Variants in PPP1R13B observed in about 807,000 individuals in gnomAD.
The protein encoded by PPP1R13B is apoptosis-stimulating of p53 protein 1.
Under a neutral mutation model 119.8 loss-of-function variants are expected in PPP1R13B, and 44 were observed. The observed-to-expected ratio is 0.37, with a 90% CI of 0.29 to 0.47. The LOEUF is 0.47. Among genes scored for constraint, PPP1R13B ranks in the 20% least tolerant of loss-of-function variants. The probability of loss-of-function intolerance (pLI) is 0.99; values close to 1 mark genes in which losing one functional copy is unlikely to be tolerated. For synonymous variants in PPP1R13B, 542 were observed against 561.5 expected, an observed-to-expected ratio of 0.97 and a Z score of 0.49; for missense variants, 1,227 against 1,413.5, an observed-to-expected ratio of 0.87 and a Z score of 2.12.
rs35556963 is a variant in PPP1R13B at position 103,810,926 on chromosome 14, TA to T, written c.10-13409del. 9.0e-3 allele frequency among the ~76,000 whole-genome samples: 1,197 copies of T among 133,140 alleles called. 12 individuals carry two copies. Among genetic ancestry groups the T allele is most frequent in the African/African-American group, 0.023 (820 of 35,832 alleles). The allele number at this position is 133,140 out of a possible 152,430, so 87.3% of individuals were successfully genotyped here. On this transcript the variant is annotated intron_variant, in intron 1 of 16. Coordinates refer to ENST00000202556, the MANE Select transcript of PPP1R13B (RefSeq NM_015316.3). ...CAACATGGTGAAGCCCCGTCTCTAC[TA>T]AAAAAAAAAAAAAAATTAGCCGGGC...
At chr14:103,794,321 G>GT (rs2085702305) in intron 2 of PPP1R13B, among the ~76,000 whole-genome samples, 4 of 109,308 alleles carry the variant, frequency 3.7e-5, no homozygotes, top group Non-Finnish European at 1.7e-5. Context: ...GCAGTAATTT[G>GT]TTTTTTGTTT....
At chr14:103,754,779 CTTCT>C (rs2084635034) in intron 5 of PPP1R13B, among the ~76,000 whole-genome samples, 1 of 150,820 alleles carries the variant, frequency 6.6e-6, no homozygotes, top group South Asian at 2.1e-4. Context: ...TTTTCTTTTT[CTTCT>C]TTTTTTTTTC....
At chr14:103,764,471 A>G (rs1052654171) in intron 4 of PPP1R13B, 1 of 351,260 alleles carries the variant, frequency 2.8e-6, no homozygotes, top group Non-Finnish European at 5.7e-6. Context: ...GTTATCCCAG[A>G]TATGAGTCCT....
chr14:103,763,167 C>T (rs373058514), intron 4 of PPP1R13B: 2 of 605,380 alleles, frequency 3.3e-6, no homozygotes, highest in Non-Finnish European at 6.0e-6. Flanking sequence ...TGAGATGGAC[C>T]CGGATTTCAG....
upstream of PPP1R13B, chr14:103,847,636 C>T: frequency 2.0e-6 from 2 of 984,738 alleles, no homozygotes; most frequent in Middle Eastern, 5.2e-4. Flanking sequence ...GCGCGACGCC[C>T]CGCACGGGTC....
intron 1 of PPP1R13B, among the ~76,000 whole-genome samples, chr14:103,800,053 A>AAAATAAAT: frequency 6.6e-6 from 1 of 151,964 alleles, no homozygotes; most frequent in East Asian, 1.9e-4. Context: ...CTCTATCTCA[A>AAAATAAAT]AAATAAATAA....
chr14:103,828,608 C>G (rs901032086), intron 1 of PPP1R13B, among the ~76,000 whole-genome samples: 2 of 152,030 alleles, frequency 1.3e-5, no homozygotes, highest in African/African-American at 2.4e-5. Context: ...CAGAATGCCA[C>G]GAGATCCCAC....
intron 2 of PPP1R13B, among the ~76,000 whole-genome samples, chr14:103,791,624 C>T (rs2085623682): frequency 6.6e-6 from 1 of 152,136 alleles, no homozygotes; most frequent in African/African-American, 2.4e-5. Context: ...ACTCGGGAGG[C>T]TGAGGTGGAG....
At chr14:103,802,202 G>A (rs565739005) in intron 1 of PPP1R13B, among the ~76,000 whole-genome samples, 4 of 152,050 alleles carry the variant, frequency 2.6e-5, no homozygotes, top group Non-Finnish European at 4.4e-5. Context: ...TAGTAATATC[G>A]GGAGGCTGAG....
intron 12 of PPP1R13B, among the ~76,000 whole-genome samples, 182 bp downstream of exon 12, chr14:103,739,642 T>C (rs568960634): frequency 6.6e-6 from 1 of 152,320 alleles, no homozygotes; most frequent in Non-Finnish European, 1.5e-5. Context: ...CGAGCCCCAT[T>C]TGTCATGCCT....
intron 3 of PPP1R13B, among the ~76,000 whole-genome samples, chr14:103,781,110 A>G (rs562037768): frequency 3.9e-5 from 6 of 152,216 alleles, no homozygotes; most frequent in Non-Finnish European, 7.4e-5. Flanking sequence ...GCCCGTTTCC[A>G]AACTTTATAA....
chr14:103,818,993 A>C (rs1205781814), intron 1 of PPP1R13B, among the ~76,000 whole-genome samples: 1 of 152,206 alleles, frequency 6.6e-6, no homozygotes. Context: ...GATAATTCTA[A>C]GTTGGAAGGG....
chr14:103,822,040 A>G (rs1334434334), intron 1 of PPP1R13B, among the ~76,000 whole-genome samples: 1 of 152,220 alleles, frequency 6.6e-6, no homozygotes, highest in Non-Finnish European at 1.5e-5. Flanking sequence ...CTTCCCATGC[A>G]CATCTGGATA....
chr14:103,761,718 G>A (rs541091983), intron 4 of PPP1R13B, among the ~76,000 whole-genome samples: 5 of 150,394 alleles, frequency 3.3e-5, no homozygotes, highest in East Asian at 3.9e-4. Flanking sequence ...AGCCAAGACC[G>A]TGCCACTGCA....
chr14:103,833,393 T>C (rs11160765), intron 1 of PPP1R13B, among the ~76,000 whole-genome samples: 67,728 of 151,912 alleles, frequency 0.45, 15,595 homozygotes, highest in African/African-American at 0.56. Context: ...CCTGTAATCC[T>C]AGCACTTTGG....
chr14:103,742,698 T>C lies in PPP1R13B; in HGVS notation c.1276A>G (p.Ser426Gly), dbSNP rs2084289536. ...AGTGCTGAGAAGGGCACAGGCTGGCTGGAGACAGTGCCCTGCTTGACAGAC... is the reference window on the plus strand; with the variant it reads ...AGTGCTGAGAAGGGCACAGGCTGGCCGGAGACAGTGCCCTGCTTGACAGAC... ...EGSVKQGTVSSQPVPFSALGP... is the reference protein window; with the variant it reads ...EGSVKQGTVSGQPVPFSALGP... Residue 426 changes from serine (S) to glycine (G), a missense_variant, in exon 10 of 17, where the codon AGC becomes GGC. Transcript: ENST00000202556. The surrounding 1 kb of genome is among the most constrained non-coding windows in gnomAD (Gnocchi z 4.9). 6.2e-7 allele frequency: 1 copy of C among 1,614,000 alleles called. No homozygotes were observed. The highest frequency in any genetic ancestry group is 8.5e-7 in the Non-Finnish European group (1 of 1,180,028).
intron 3 of PPP1R13B, 130 bp downstream of exon 3, chr14:103,784,665 C>A: frequency 1.4e-6 from 1 of 731,860 alleles, no homozygotes. Flanking sequence ...ACATGGGATA[C>A]CAACTTTCCC....
At chr14:103,820,368 C>T (rs564197341) in intron 1 of PPP1R13B, among the ~76,000 whole-genome samples, 1 of 152,252 alleles carries the variant, frequency 6.6e-6, no homozygotes, top group South Asian at 2.1e-4. Context: ...TACACTGCTG[C>T]AAAATCATTT....
chr14:103,764,607 T>C (rs1462395145), intron 4 of PPP1R13B: 3 of 170,580 alleles, frequency 1.8e-5, no homozygotes, highest in Non-Finnish European at 3.9e-5. Flanking sequence ...AAAATGCTTA[T>C]TCTCAATTTC....
Sources: gnomAD v4.1 joint callset for allele counts (sites outside exome capture counted in the v4.1 genomes callset) on GRCh38, gnomAD v4.1.1 for gene constraint, Gnocchi (gnomAD v3.1) non-coding constraint, MANE v1.5 for transcripts, NCBI Gene and HGNC (gene_info 2026-07-23, HGNC 2026-07-21) for gene names.